Variants in SGCZ observed in about 807,000 individuals in gnomAD.
SGCZ encodes the protein zeta-sarcoglycan.
SGCZ carries 40 observed loss-of-function variants against 41.3 expected under a neutral mutation model. The observed-to-expected ratio is 0.97, with a 90% confidence interval of 0.75 to 1.26. The LOEUF is 1.26. Ranked by LOEUF, SGCZ falls within the 50% of genes most tolerant of loss-of-function variation. The pLI, the probability that SGCZ is intolerant of heterozygous loss-of-function variation, is 0.00. For synonymous variants in SGCZ, 206 were observed against 137.5 expected, an observed-to-expected ratio of 1.50 and a Z score of -3.49; for missense variants, 552 against 369.8, an observed-to-expected ratio of 1.49 and a Z score of -4.04.
intron 1 of SGCZ, among the ~76,000 whole-genome samples, chr8:15,050,366 C>T (rs769936771): frequency 3.1e-4 from 47 of 152,220 alleles, no homozygotes; most frequent in Non-Finnish European, 4.7e-4. Context: ...GAAGAGCTAA[C>T]CTATTTATGG....
At chr8:14,302,566 AC>A (rs1210417953) in intron 3 of SGCZ, among the ~76,000 whole-genome samples, 2 of 152,050 alleles carry the variant, frequency 1.3e-5, no homozygotes, top group African/African-American at 4.8e-5. Context: ...ATTGCCATTT[AC>A]TCAGAGAGCT....
intron 1 of SGCZ, among the ~76,000 whole-genome samples, chr8:15,178,494 A>G (rs1182845317): frequency 6.6e-6 from 1 of 152,196 alleles, no homozygotes; most frequent in African/African-American, 2.4e-5. Context: ...TAATAACACA[A>G]TAAATTAGAT....
intron 1 of SGCZ, among the ~76,000 whole-genome samples, chr8:15,231,610 CTTTTTTTTTT>C (rs914572473): frequency 4.2e-5 from 3 of 72,102 alleles, no homozygotes; most frequent in Admixed American, 3.0e-4. Flanking sequence ...TTAATATATT[CTTTTTTTTTT>C]TTTTTTTTTT....
chr8:14,613,652 A>T (rs1297984202), intron 1 of SGCZ, among the ~76,000 whole-genome samples: 1 of 152,230 alleles, frequency 6.6e-6, no homozygotes, highest in African/African-American at 2.4e-5. Flanking sequence ...TAAATCATGT[A>T]AATGATATGC....
At chr8:15,062,396 A>G (rs1210830776) in intron 1 of SGCZ, among the ~76,000 whole-genome samples, 3 of 152,122 alleles carry the variant, frequency 2.0e-5, no homozygotes, top group East Asian at 1.9e-4. Context: ...ACTACTAACT[A>G]AAGTAGGTTT....
chr8:14,699,683 T>G (rs1266287549), intron 1 of SGCZ, among the ~76,000 whole-genome samples: 1 of 151,940 alleles, frequency 6.6e-6, no homozygotes, highest in Middle Eastern at 3.4e-3. Context: ...AGATACAACC[T>G]ACAGAATGGG....
intron 1 of SGCZ, among the ~76,000 whole-genome samples, chr8:14,754,677 T>C (rs1417243138): frequency 6.6e-6 from 1 of 152,172 alleles, no homozygotes; most frequent in Non-Finnish European, 1.5e-5. Context: ...TTTGCACTTA[T>C]AAACCTCAGT....
intron 4 of SGCZ, among the ~76,000 whole-genome samples, chr8:14,199,247 C>G (rs987404530): frequency 4.6e-5 from 7 of 152,118 alleles, no homozygotes; most frequent in African/African-American, 1.7e-4. Flanking sequence ...TTGGCGATGG[C>G]TGTCATAGCG....
chr8:14,872,578 T>A (rs1443342238), intron 1 of SGCZ, among the ~76,000 whole-genome samples: 2 of 152,206 alleles, frequency 1.3e-5, no homozygotes, highest in East Asian at 3.9e-4. Flanking sequence ...ATGAGCAGAA[T>A]GCAATTTAAA....
chr8:14,486,103 T>C (rs915667832), intron 2 of SGCZ, among the ~76,000 whole-genome samples: 1 of 152,200 alleles, frequency 6.6e-6, no homozygotes, highest in Non-Finnish European at 1.5e-5. Context: ...TTTCAAAAAA[T>C]ATGTAACTAT....
At chr8:15,051,737 T>G (rs10110758) in intron 1 of SGCZ, among the ~76,000 whole-genome samples, 2 of 152,186 alleles carry the variant, frequency 1.3e-5, no homozygotes, top group Non-Finnish European at 2.9e-5. Flanking sequence ...TAACTTTTGC[T>G]TTATTGAAAT....
intron 1 of SGCZ, among the ~76,000 whole-genome samples, chr8:14,708,023 A>G (rs2117616042): frequency 6.6e-6 from 1 of 152,266 alleles, no homozygotes; most frequent in South Asian, 2.1e-4. Flanking sequence ...AGGAAATGCA[A>G]CAAAATAATA....
chr8:14,667,489 A>C (rs1563189894), intron 1 of SGCZ, among the ~76,000 whole-genome samples: 1 of 152,212 alleles, frequency 6.6e-6, no homozygotes, highest in Non-Finnish European at 1.5e-5. Context: ...TAACTTCCAG[A>C]GAAATGCATT....
chr8:14,296,119 G>C (rs10110418), intron 3 of SGCZ, among the ~76,000 whole-genome samples: 115,178 of 152,034 alleles, frequency 0.76, 44,025 homozygotes, highest in Non-Finnish European at 0.8. Flanking sequence ...CTAGTTGTAG[G>C]CTTGGCCTAA....
intron 3 of SGCZ, among the ~76,000 whole-genome samples, chr8:14,261,636 C>A (rs1266246113): frequency 6.6e-6 from 1 of 152,162 alleles, no homozygotes; most frequent in African/African-American, 2.4e-5. Context: ...CTTAAATTTA[C>A]TTGTCAATAA....
At chr8:14,474,233 A>C (rs1043825507) in intron 2 of SGCZ, among the ~76,000 whole-genome samples, 6 of 152,214 alleles carry the variant, frequency 3.9e-5, no homozygotes, top group Non-Finnish European at 5.9e-5. Flanking sequence ...ACACATGAAA[A>C]CGAGAATAAA....
At chr8:14,608,381 T>C (rs1393266449) in intron 1 of SGCZ, among the ~76,000 whole-genome samples, 4 of 151,708 alleles carry the variant, frequency 2.6e-5, no homozygotes, top group Non-Finnish European at 5.9e-5. Context: ...TGCACAAGCA[T>C]GGTACCAGCA....
intron 1 of SGCZ, among the ~76,000 whole-genome samples, chr8:14,555,743 A>G (rs573416874): frequency 1.0e-3 from 159 of 152,212 alleles, no homozygotes; most frequent in Non-Finnish European, 1.4e-3. Flanking sequence ...CTAAAAATGC[A>G]GGATACAAAT....
At chr8:14,190,514 C>G (rs976925880) in intron 4 of SGCZ, among the ~76,000 whole-genome samples, 3 of 152,048 alleles carry the variant, frequency 2.0e-5, no homozygotes, top group African/African-American at 7.2e-5. Context: ...CATGCAAGTG[C>G]AGATATCTTT....
Sources: allele counts gnomAD v4.1 joint callset (sites outside exome capture counted in the v4.1 genomes callset), GRCh38; gene constraint gnomAD v4.1.1; transcripts MANE v1.5; gene names NCBI Gene and HGNC (gene_info 2026-07-23, HGNC 2026-07-21).